The following ZNF605 variants were observed in gnomAD, a reference collection of about 807,000 sequenced individuals.
ZNF605 encodes the protein zinc finger protein 605.
In ZNF605, 9 loss-of-function variants were observed where a neutral mutation model predicts 7.9. That is an observed-to-expected ratio of 1.14 (90% CI 0.68 to 1.98). The LOEUF is 1.98. Ranked by LOEUF, ZNF605 falls within the 30% of genes most tolerant of loss-of-function variation. The pLI is 0.00. For missense variants in ZNF605, 673 were observed against 762.4 expected, an observed-to-expected ratio of 0.88 and a Z score of 1.38; for synonymous variants, 255 against 260.1, an observed-to-expected ratio of 0.98 and a Z score of 0.19.
chr12:132,936,129 A>G (rs1445023734), intron 3 of ZNF605, among the ~76,000 whole-genome samples: 2 of 151,956 alleles, frequency 1.3e-5, no homozygotes, highest in African/African-American at 4.8e-5. Flanking sequence ...GTCAGCACAG[A>G]ATATAAAATA....
At chr12:132,949,989 C>T (rs1952540433) in intron 1 of ZNF605, among the ~76,000 whole-genome samples, 2 of 151,996 alleles carry the variant, frequency 1.3e-5, no homozygotes, top group Non-Finnish European at 2.9e-5. Context: ...CAGAGATTGG[C>T]ATCCAAAGAC....
chr12:132,949,861 C>T (rs1480084190), intron 1 of ZNF605, among the ~76,000 whole-genome samples: 1 of 152,184 alleles, frequency 6.6e-6, no homozygotes, highest in South Asian at 2.1e-4. Context: ...AGGCTTCGCC[C>T]GTTCGCAGCT....
At chr12:132,936,475 G>C (rs1952367772) in intron 3 of ZNF605, among the ~76,000 whole-genome samples, 2 of 152,150 alleles carry the variant, frequency 1.3e-5, no homozygotes. Flanking sequence ...CACATTACTT[G>C]ATTTCAAGAC....
At chr12:132,935,032 GT>G (rs1227357274) in intron 3 of ZNF605, among the ~76,000 whole-genome samples, 1 of 152,158 alleles carries the variant, frequency 6.6e-6, no homozygotes, top group Non-Finnish European at 1.5e-5. Context: ...AGGGATGAAA[GT>G]TCAGGAATAT....
intron 1 of ZNF605, among the ~76,000 whole-genome samples, chr12:132,951,387 C>T (rs1233410868): frequency 7.0e-6 from 1 of 143,756 alleles, no homozygotes; most frequent in Non-Finnish European, 1.5e-5. Context: ...CATATACGTA[C>T]ACACAGATAC....
intron 2 of ZNF605, among the ~76,000 whole-genome samples, chr12:132,947,327 T>G (rs1225530588): frequency 6.6e-6 from 1 of 151,956 alleles, no homozygotes; most frequent in Non-Finnish European, 1.5e-5. Flanking sequence ...ATTTTTTTCT[T>G]TGAGACAGGG....
At chr12:132,937,316 G>A (rs1952376993) in intron 3 of ZNF605, among the ~76,000 whole-genome samples, 1 of 142,274 alleles carries the variant, frequency 7.0e-6, no homozygotes, top group Non-Finnish European at 1.5e-5. Context: ...CCGAGATGGT[G>A]CCATTGCACT....
chr12:132,946,976 C>A (rs1952500202), intron 2 of ZNF605, among the ~76,000 whole-genome samples: 1 of 151,306 alleles, frequency 6.6e-6, no homozygotes, highest in Non-Finnish European at 1.5e-5. Flanking sequence ...AATTTTCCCT[C>A]ATGCAAAATA....
chr12:132,953,577 C>A lies in ZNF605; in HGVS notation c.-286+2666G>T, dbSNP rs772873440. Among the ~76,000 whole-genome samples, 79 of 152,140 alleles carry A rather than the reference C, an allele frequency of 5.2e-4. 2 individuals carry two copies. The highest frequency in any genetic ancestry group is 1.3e-4 in the Non-Finnish European group (9 of 68,034). Reference sequence around the variant, plus strand: ...GAGTAGGTGGGATTACAGGCGCCCACCACCATGCCCAGCTAATTTTTGTAT... The same window carrying A: ...GAGTAGGTGGGATTACAGGCGCCCAACACCATGCCCAGCTAATTTTTGTAT... On this transcript the variant is annotated intron_variant, in intron 1 of 4. Transcript: ENST00000360187.
Position 132,924,033 on chromosome 12 carries a change from A to G in ZNF605, c.*1340T>C, listed in dbSNP as rs1177905981. The stretch of plus-strand genomic sequence containing the variant: ...AAGTTCCATTTTGGCCAGTAAAAAT[A>G]TCTCTTATACCTCAGGTTTCATCAA... On this transcript the variant is annotated 3_prime_UTR_variant, in exon 5 of 5. Coordinates refer to ENST00000360187, the MANE Select transcript of ZNF605 (RefSeq NM_183238.4). The G allele has an allele frequency of 6.6e-6, 1 of 152,202 alleles. No individual in the cohort carries two copies. The highest frequency in any genetic ancestry group is 1.9e-4 in the East Asian group (1 of 5,204). 9.4% of individuals were successfully genotyped at this position (152,202 alleles called of 1,614,324 possible).
chr12:132,943,369 AAAAC>A (rs1952464482), intron 3 of ZNF605, among the ~76,000 whole-genome samples: 1 of 151,802 alleles, frequency 6.6e-6, no homozygotes, highest in Non-Finnish European at 1.5e-5. Flanking sequence ...AAAAAAAAAA[AAAAC>A]AAAAAAAACC....
At chr12:132,954,440 A>AGGGGGGAGAAGGGTG (rs1952612172) in intron 1 of ZNF605, among the ~76,000 whole-genome samples, 5 of 5,070 alleles carry the variant, frequency 9.9e-4, no homozygotes, top group African/African-American at 2.5e-3. Context: ...GGAGAAGGGT[A>AGGGGGGAGAAGGGTG]GGGAGGGGAG....
At chr12:132,954,727 C>T (rs1381505931) in intron 1 of ZNF605, among the ~76,000 whole-genome samples, 1 of 151,870 alleles carries the variant, frequency 6.6e-6, no homozygotes, top group Non-Finnish European at 1.5e-5. Context: ...CTGACATTCC[C>T]ACAGGCCCTC....
In ZNF605 at chr12:132,922,114, C is replaced by G. The variant is rs1377983840; in HGVS notation, c.*3259G>C. ...TAGAGATTACATGAATTATCCACAA[C>G]GAATGGTAGCAGATGATGGGTCAGG... On this transcript the variant is annotated 3_prime_UTR_variant, in exon 5 of 5. Coordinates refer to ENST00000360187, the MANE Select transcript of ZNF605 (RefSeq NM_183238.4). The G allele has an allele frequency of 6.6e-6, 1 of 152,112 alleles. No individual in the cohort carries two copies. The highest frequency in any genetic ancestry group is 1.5e-5 in the Non-Finnish European group (1 of 68,032). The allele number at this position is 152,112 out of a possible 1,614,324, so 9.4% of individuals were successfully genotyped here.
chr12:132,949,445 G>A (rs777242639), intron 1 of ZNF605, among the ~76,000 whole-genome samples: 1 of 152,168 alleles, frequency 6.6e-6, no homozygotes, highest in East Asian at 1.9e-4. Context: ...GCCTTTTGCA[G>A]CCTCCGATTT....
At chr12:132,932,960 C>A in intron 4 of ZNF605, 75 bp downstream of exon 4, 1 of 1,497,924 alleles carries the variant, frequency 6.7e-7, no homozygotes, top group Non-Finnish European at 8.9e-7. Context: ...ACATGTAAAA[C>A]TTACATCCAA....
chr12:132,938,437 A>G (rs1952390915), intron 3 of ZNF605, among the ~76,000 whole-genome samples: 1 of 151,744 alleles, frequency 6.6e-6, no homozygotes, highest in Admixed American at 6.6e-5. Context: ...AGTAGCTGGG[A>G]TTACAGGCAC....
At chr12:132,939,573 G>A (rs1294417154) in intron 3 of ZNF605, among the ~76,000 whole-genome samples, 2 of 152,088 alleles carry the variant, frequency 1.3e-5, no homozygotes, top group African/African-American at 4.8e-5. Flanking sequence ...GAGAACCTTT[G>A]TATCTAGCTC....
At chr12:132,951,055 TCATA>T (rs1952558079) in intron 1 of ZNF605, among the ~76,000 whole-genome samples, 1 of 145,542 alleles carries the variant, frequency 6.9e-6, no homozygotes, top group East Asian at 2.0e-4. Flanking sequence ...CACAGATACA[TCATA>T]CACAGACATG....
Sources: gnomAD v4.1 joint callset for allele counts (sites outside exome capture counted in the v4.1 genomes callset) on GRCh38, gnomAD v4.1.1 for gene constraint, MANE v1.5 for transcripts, NCBI Gene and HGNC (gene_info 2026-07-23, HGNC 2026-07-21) for gene names.